TMEM108: variants seen among roughly 807,000 people sequenced by gnomAD.
The protein encoded by TMEM108 is transmembrane protein 108.
In TMEM108, 12 loss-of-function variants were observed where a neutral mutation model predicts 35.1. The ratio of observed to expected loss-of-function variants is 0.34; its 90% CI spans 0.22 to 0.55. The LOEUF (loss-of-function observed/expected upper bound fraction) is 0.55, where lower values mean the gene tolerates loss of function less well. Ranked by LOEUF, TMEM108 falls within the 20% of genes least tolerant of loss-of-function variation. The pLI is 0.89. For missense variants in TMEM108, 680 were observed against 753.3 expected (o/e 0.90, Z 1.14); for synonymous variants, 287 against 308.6 (o/e 0.93, Z 0.73).
intron 3 of TMEM108, among the ~76,000 whole-genome samples, chr3:133,300,177 T>C (rs955604921): frequency 1.3e-5 from 2 of 152,026 alleles, no homozygotes; most frequent in African/African-American, 4.8e-5. Context: ...CTGTGGCTGG[T>C]ATGGGGGGGT....
intron 2 of TMEM108, among the ~76,000 whole-genome samples, chr3:133,138,006 T>G (rs757630143): frequency 2.6e-5 from 4 of 152,226 alleles, no homozygotes; most frequent in Non-Finnish European, 4.4e-5. Context: ...CCTTTTGTTA[T>G]GGAAACAAGT....
chr3:133,365,265 G>T (rs1441900720), intron 3 of TMEM108, among the ~76,000 whole-genome samples: 1 of 152,026 alleles, frequency 6.6e-6, no homozygotes, highest in East Asian at 1.9e-4. Context: ...CCAAAAAGAG[G>T]ACATCATGAT....
At chr3:133,141,042 A>G (rs941780906) in intron 2 of TMEM108, among the ~76,000 whole-genome samples, 1 of 152,206 alleles carries the variant, frequency 6.6e-6, no homozygotes, top group South Asian at 2.1e-4. Flanking sequence ...CTACCAAATC[A>G]TAGTAATGTT....
At chr3:133,357,779 T>C in intron 3 of TMEM108, among the ~76,000 whole-genome samples, 1 of 151,960 alleles carries the variant, frequency 6.6e-6, no homozygotes, top group East Asian at 1.9e-4. Flanking sequence ...ACTCAGAGTG[T>C]AGGGGGACGT....
intron 3 of TMEM108, among the ~76,000 whole-genome samples, chr3:133,296,656 C>A (rs990774844): frequency 2.0e-5 from 3 of 151,228 alleles, no homozygotes; most frequent in Non-Finnish European, 4.4e-5. Context: ...AAGGAACATC[C>A]CTAATCCAAA....
At chr3:133,300,844 T>C (rs1027020457) in intron 3 of TMEM108, among the ~76,000 whole-genome samples, 8 of 151,920 alleles carry the variant, frequency 5.3e-5, no homozygotes, top group South Asian at 2.1e-4. Context: ...AAAGGTGTGC[T>C]TGCAGACAAG....
At chr3:133,345,796 T>A (rs1268126984) in intron 3 of TMEM108, among the ~76,000 whole-genome samples, 1 of 151,944 alleles carries the variant, frequency 6.6e-6, no homozygotes, top group African/African-American at 2.4e-5. Context: ...GTGATGGAGA[T>A]GTTCTGCATC....
chr3:133,389,239 A>G (rs1454245667), intron 4 of TMEM108: 3 of 985,266 alleles, frequency 3.0e-6, no homozygotes, highest in Non-Finnish European at 3.6e-6. Flanking sequence ...ATCGAGACAT[A>G]ATTCTTCCTC....
At chr3:133,229,179 A>G (rs1946116310) in intron 2 of TMEM108, 87 bp from the exon 3 acceptor site, 2 of 824,040 alleles carry the variant, frequency 2.4e-6, no homozygotes, top group South Asian at 1.9e-5. Flanking sequence ...GTTAGGCATT[A>G]TAACCAAGAT....
At chr3:133,072,994 T>A (rs1357059611) in intron 2 of TMEM108, among the ~76,000 whole-genome samples, 1 of 152,296 alleles carries the variant, frequency 6.6e-6, no homozygotes. Flanking sequence ...ACTTCATTCC[T>A]ATTTATTTGT....
intron 2 of TMEM108, among the ~76,000 whole-genome samples, chr3:133,160,025 G>A (rs749785241): frequency 2.1e-4 from 32 of 152,308 alleles, no homozygotes; most frequent in Non-Finnish European, 3.8e-4. Context: ...CACATGCTAG[G>A]TTCACAGTCA....
chr3:133,092,350 A>G (rs1943958838), intron 2 of TMEM108, among the ~76,000 whole-genome samples: 1 of 152,198 alleles, frequency 6.6e-6, no homozygotes, highest in Admixed American at 6.5e-5. Flanking sequence ...CCAGGGTCTA[A>G]TATTTTCTCC....
intron 5 of TMEM108, 152 bp from the exon 6 acceptor site, chr3:133,395,712 G>T: frequency 1.5e-6 from 1 of 648,188 alleles, no homozygotes. Context: ...GGCATAGAGG[G>T]CTGTGCACCT....
chr3:133,223,938 G>A (rs922402758), intron 2 of TMEM108, among the ~76,000 whole-genome samples: 3 of 152,206 alleles, frequency 2.0e-5, no homozygotes, highest in African/African-American at 4.8e-5. Context: ...GGATAGCCCT[G>A]TGTAACCCAG....
intron 1 of TMEM108, among the ~76,000 whole-genome samples, chr3:133,040,567 T>TGGC (rs1161942341): frequency 6.6e-6 from 1 of 152,072 alleles, no homozygotes; most frequent in Non-Finnish European, 1.5e-5. Flanking sequence ...GTGAGGTAGG[T>TGGC]GGCATAGTAT....
At chr3:133,180,384 G>C (rs191821551) in intron 2 of TMEM108, among the ~76,000 whole-genome samples, 21 of 151,894 alleles carry the variant, frequency 1.4e-4, no homozygotes, top group Admixed American at 1.1e-3. Context: ...CTTTTTTTCT[G>C]GAAGAAGGCC....
intron 2 of TMEM108, among the ~76,000 whole-genome samples, chr3:133,078,528 G>C (rs1943772682): frequency 6.6e-6 from 1 of 152,124 alleles, no homozygotes; most frequent in Admixed American, 6.5e-5. Flanking sequence ...AAATGAACAA[G>C]TTACAAGGCT....
In TMEM108 at chr3:133,187,883, C is replaced by CAAAAAAAAA. The variant is rs34894272; in HGVS notation, c.-46-41373_-46-41365dup. 2.9e-4 allele frequency among the ~76,000 whole-genome samples: 37 copies of CAAAAAAAAA among 127,246 alleles called. 1 individual carries two copies. Among genetic ancestry groups the CAAAAAAAAA allele is most frequent in the Non-Finnish European group, 3.7e-4 (23 of 61,972 alleles). 83.5% of individuals were successfully genotyped at this position (127,246 alleles called of 152,430 possible). On this transcript the variant is annotated intron_variant, in intron 2 of 5. Coordinates refer to ENST00000321871, the MANE Select transcript of TMEM108 (RefSeq NM_023943.4). ...ATGCATATCAGAGTAACGGTTGCTG[C>CAAAAAAAAA]AAAAAAAAAAAAAAAAAAGACAGGA...
chr3:133,383,271 A>G (rs2073060605), intron 4 of TMEM108, among the ~76,000 whole-genome samples: 1 of 152,220 alleles, frequency 6.6e-6, no homozygotes, highest in African/African-American at 2.4e-5. Flanking sequence ...AGGAACAAGC[A>G]AACACACTGC....
Sources: gnomAD v4.1 joint callset for allele counts (sites outside exome capture counted in the v4.1 genomes callset) on GRCh38, gnomAD v4.1.1 for gene constraint, MANE v1.5 for transcripts, NCBI Gene and HGNC (gene_info 2026-07-23, HGNC 2026-07-21) for gene names.